The following PLA2G4E variants were observed in gnomAD, a reference collection of about 807,000 sequenced individuals.
The protein encoded by PLA2G4E is cytosolic phospholipase A2 epsilon.
Under a neutral mutation model 109.1 loss-of-function variants are expected in PLA2G4E, and 84 were observed. The ratio of observed to expected loss-of-function variants is 0.77; its 90% CI spans 0.65 to 0.92. PLA2G4E has a LOEUF of 0.92. Ranked by LOEUF, PLA2G4E falls within the 40% of genes least tolerant of loss-of-function variation. The pLI is 0.00. For synonymous variants in PLA2G4E, 469 were observed against 436.1 expected, an observed-to-expected ratio of 1.08 and a Z score of -0.94; for missense variants, 1,057 against 1,076.6, an observed-to-expected ratio of 0.98 and a Z score of 0.25.
In PLA2G4E at chr15:41,984,518, C is replaced by T. The variant is rs762971733; in HGVS notation, c.2304G>A (p.Met768Ile). The change falls in exon 19 of 20, where the codon ATG (methionine) becomes ATA (isoleucine). Residue 768 changes from methionine to isoleucine, a missense_variant. By Grantham distance (10) the Met-to-Ile change is conservative. Transcript: ENST00000399518. ...GGGCATCGGGTTCCTGGGGGTTCTC[C>T]ATCAGGTAGCATTCCTTGAGATTTT... 4.1e-5 allele frequency: 66 copies of T among 1,613,812 alleles called. No individual in the cohort carries two copies. The highest frequency in any genetic ancestry group is 5.5e-5 in the Non-Finnish European group (65 of 1,179,850).
At chr15:42,017,868 G>C (rs904927818) in intron 1 of PLA2G4E, among the ~76,000 whole-genome samples, 1 of 152,106 alleles carries the variant, frequency 6.6e-6, no homozygotes. Context: ...GAGCCATAAG[G>C]GTCTTTGGAG....
At chr15:41,984,487 C>A in exon 19 of PLA2G4E, 7 of 1,613,870 alleles carry the variant, frequency 4.3e-6, no homozygotes, top group Non-Finnish European at 5.9e-6. Flanking sequence ...AAGAAAGTCA[C>A]GATGGGGGCA....
intron 13 of PLA2G4E, among the ~76,000 whole-genome samples, chr15:41,990,583 C>T (rs971582020): frequency 6.6e-6 from 1 of 152,046 alleles, no homozygotes; most frequent in Admixed American, 6.5e-5. Flanking sequence ...CTTCCCTCTG[C>T]TAGAACTGGA....
At chr15:41,991,302 G>A (rs900465606) in intron 13 of PLA2G4E, among the ~76,000 whole-genome samples, 1 of 152,158 alleles carries the variant, frequency 6.6e-6, no homozygotes, top group Non-Finnish European at 1.5e-5. Context: ...CGGAAGACTC[G>A]GTGCTTCCTC....
intron 1 of PLA2G4E, among the ~76,000 whole-genome samples, chr15:42,018,927 C>T (rs867307422): frequency 1.3e-5 from 2 of 152,220 alleles, no homozygotes; most frequent in Middle Eastern, 6.8e-3. Context: ...GGGTGGGGAA[C>T]AAAATGTATG....
At chr15:41,984,761 G>C (rs2068113950) in intron 18 of PLA2G4E, 142 bp from the exon 19 acceptor site, 1 of 779,606 alleles carries the variant, frequency 1.3e-6, no homozygotes, top group Non-Finnish European at 1.9e-6. Flanking sequence ...GGTATTTTGA[G>C]ACTAAAGCCA....
At chr15:42,016,324 C>A (rs2068594952) in intron 1 of PLA2G4E, among the ~76,000 whole-genome samples, 1 of 142,970 alleles carries the variant, frequency 7.0e-6, no homozygotes, top group African/African-American at 2.6e-5. Flanking sequence ...TCCTTTCAGA[C>A]TTTCCTGGGG....
chr15:42,043,786 C>T (rs1889361048), intron 1 of PLA2G4E, among the ~76,000 whole-genome samples: 2 of 152,074 alleles, frequency 1.3e-5, no homozygotes, highest in Admixed American at 1.3e-4. Context: ...TCACTTTCCT[C>T]ATCTGTAAAA....
exon 14 of PLA2G4E, chr15:41,990,186 T>G: frequency 6.2e-7 from 1 of 1,613,828 alleles, no homozygotes; most frequent in Non-Finnish European, 8.5e-7. Flanking sequence ...CAGGGGGTTC[T>G]GGCCGCAGCT....
Position 41,992,731 on chromosome 15 carries a change from A to G in PLA2G4E, c.1470+6T>C. The stretch of plus-strand genomic sequence containing the variant: ...GGGTGGGGCCCAGGAGAAGCCGAGC[A>G]CCTACCTCGTCCCCCAGGCAGGTCT... On this transcript the variant is annotated splice_donor_region_variant and intron_variant, in intron 13 of 19. Transcript: ENST00000399518. The G allele has an allele frequency of 6.2e-7, 1 of 1,610,204 alleles. No homozygotes were observed. The highest frequency in any genetic ancestry group is 8.5e-7 in the Non-Finnish European group (1 of 1,178,368).
chr15:41,999,327 CA>C (rs1328779467), intron 10 of PLA2G4E, among the ~76,000 whole-genome samples, 196 bp downstream of exon 10: 1 of 152,080 alleles, frequency 6.6e-6, no homozygotes, highest in African/African-American at 2.4e-5. Context: ...TAAAAAAACA[CA>C]AATAACCCAC....
chr15:42,000,319 C>A (rs16972418), intron 7 of PLA2G4E, 37 bp from the exon 8 acceptor site: 209,186 of 1,524,262 alleles, frequency 0.14, 15,390 homozygotes, highest in East Asian at 0.2. Context: ...CCCTGGGAGC[C>A]TCTCACTACC....
At chr15:42,004,155 A>G (rs1056753792) in intron 5 of PLA2G4E, among the ~76,000 whole-genome samples, 6 of 152,182 alleles carry the variant, frequency 3.9e-5, no homozygotes, top group African/African-American at 1.4e-4. Context: ...TACAAGAATT[A>G]GCCTAGCATG....
At chr15:42,006,253 C>T (rs1011938485) in intron 3 of PLA2G4E, 132 bp from the exon 4 acceptor site, 2 of 1,106,400 alleles carry the variant, frequency 1.8e-6, no homozygotes, top group African/African-American at 1.6e-5. Flanking sequence ...AGTCCCTGCT[C>T]AGATGTGACA....
chr15:42,033,597 G>T (rs1290917098), intron 1 of PLA2G4E, among the ~76,000 whole-genome samples: 2 of 151,778 alleles, frequency 1.3e-5, no homozygotes, highest in Non-Finnish European at 2.9e-5. Flanking sequence ...GGGGTGGGAG[G>T]GGCAGGTCCT....
At chr15:42,005,227 T>C (rs1008460027) in intron 4 of PLA2G4E, among the ~76,000 whole-genome samples, 2 of 152,148 alleles carry the variant, frequency 1.3e-5, no homozygotes, top group African/African-American at 4.8e-5. Context: ...GCATGTACAT[T>C]CCTCTGCCCG....
chr15:42,027,051 C>T (rs1332177899), intron 1 of PLA2G4E, among the ~76,000 whole-genome samples: 1 of 151,870 alleles, frequency 6.6e-6, no homozygotes, highest in African/African-American at 2.4e-5. Flanking sequence ...AAATGTGGAA[C>T]CAGCCCATGT....
intron 1 of PLA2G4E, among the ~76,000 whole-genome samples, chr15:42,035,192 C>G (rs1291287314): frequency 6.6e-6 from 1 of 152,236 alleles, no homozygotes; most frequent in Non-Finnish European, 1.5e-5. Flanking sequence ...TTCCTTCTCT[C>G]ATCTTCCTGT....
intron 5 of PLA2G4E, among the ~76,000 whole-genome samples, chr15:42,004,437 G>GA (rs1430624540): frequency 6.6e-6 from 1 of 152,124 alleles, no homozygotes; most frequent in Non-Finnish European, 1.5e-5. Flanking sequence ...AGGCAAGAAA[G>GA]AAGATTGGAA....
Sources: gnomAD v4.1 joint callset for allele counts (sites outside exome capture counted in the v4.1 genomes callset) on GRCh38, gnomAD v4.1.1 for gene constraint, MANE v1.5 for transcripts, NCBI Gene and HGNC (gene_info 2026-07-23, HGNC 2026-07-21) for gene names.